GHR: variants seen among roughly 807,000 people sequenced by gnomAD.
GHR encodes the protein GH receptor.
GHR carries 35 observed loss-of-function variants against 67.1 expected under a neutral mutation model. The observed-to-expected ratio is 0.52, with a 90% CI of 0.40 to 0.69. The LOEUF (loss-of-function observed/expected upper bound fraction) is 0.69. GHR is among the 30% of genes least tolerant of loss of function. The probability of loss-of-function intolerance (pLI) is 0.00; values close to 1 mark genes in which losing one functional copy is unlikely to be tolerated. For synonymous variants in GHR, 272 were observed against 269.1 expected (o/e 1.01, Z -0.10); for missense variants, 792 against 764.6 (o/e 1.04, Z -0.42).
chr5:42,546,193 T>C (rs1748724493), intron 1 of GHR, among the ~76,000 whole-genome samples: 2 of 152,200 alleles, frequency 1.3e-5, no homozygotes, highest in Admixed American at 1.3e-4. Flanking sequence ...ACTCTTTCGA[T>C]TGAGCCTGAA....
intron 3 of GHR, among the ~76,000 whole-genome samples, chr5:42,636,589 C>A (rs1175847278): frequency 1.3e-5 from 2 of 152,164 alleles, no homozygotes; most frequent in African/African-American, 2.4e-5. Flanking sequence ...AGTCTCTCAC[C>A]AGGAAAGGAT....
chr5:42,473,289 G>A (rs949962517), intron 1 of GHR, among the ~76,000 whole-genome samples: 4 of 152,064 alleles, frequency 2.6e-5, no homozygotes, highest in Admixed American at 6.5e-5. Context: ...GGAGTGCAAC[G>A]GCGCGATCTC....
At chr5:42,594,530 G>A (rs1751962291) in intron 2 of GHR, among the ~76,000 whole-genome samples, 2 of 152,100 alleles carry the variant, frequency 1.3e-5, no homozygotes, top group Admixed American at 1.3e-4. Flanking sequence ...GTCATTATTA[G>A]TGCTATGTTT....
chr5:42,467,083 A>G (rs1744764189), intron 1 of GHR: 4 of 1,585,222 alleles, frequency 2.5e-6, no homozygotes, highest in Non-Finnish European at 3.5e-6. Context: ...TCTCTGATGA[A>G]TAAGTAGGTA....
At chr5:42,549,428 T>C (rs1447500391) in intron 1 of GHR, 1 of 152,260 alleles carries the variant, frequency 6.6e-6, no homozygotes, top group Non-Finnish European at 1.5e-5. Flanking sequence ...CACTGATTCC[T>C]TATAGTGCTG....
chr5:42,607,815 G>T (rs1219391884), intron 2 of GHR, among the ~76,000 whole-genome samples: 1 of 152,172 alleles, frequency 6.6e-6, no homozygotes, highest in East Asian at 1.9e-4. Context: ...GCAGAAGTTT[G>T]ATGTTGGTTA....
intron 1 of GHR, among the ~76,000 whole-genome samples, chr5:42,466,303 A>G (rs1421038231): frequency 6.6e-6 from 1 of 152,206 alleles, no homozygotes; most frequent in Non-Finnish European, 1.5e-5. Context: ...GACAGTAAGG[A>G]AAAAGGCCAT....
chr5:42,714,618 C>T (rs1758633580), intron 8 of GHR, among the ~76,000 whole-genome samples: 1 of 152,116 alleles, frequency 6.6e-6, no homozygotes, highest in African/African-American at 2.4e-5. Context: ...GCTTCATGTC[C>T]AATTTTATAA....
chr5:42,685,051 G>A lies in GHR; in HGVS notation c.137-3839G>A, dbSNP rs35536377. ...GGTGGTTTGCTGCACCCACCAACCC[G>A]TCATCTATATTAGGTATTTCTCCTA... On this transcript the variant is annotated intron_variant, in intron 3 of 9. Transcript: ENST00000230882. Among the ~76,000 whole-genome samples, 388 of 152,058 alleles carry A rather than the reference G, an allele frequency of 2.6e-3. 3 individuals carry two copies. Among genetic ancestry groups the A allele is most frequent in the African/African-American group, 8.6e-3 (356 of 41,482 alleles).
intron 6 of GHR, among the ~76,000 whole-genome samples, chr5:42,705,481 CCATA>C (rs1490993271): frequency 6.6e-6 from 1 of 151,938 alleles, no homozygotes; most frequent in East Asian, 1.9e-4. Context: ...CAGGGGTTTA[CCATA>C]CAGATTATTT....
At chr5:42,598,147 G>A in intron 2 of GHR, among the ~76,000 whole-genome samples, 1 of 152,118 alleles carries the variant, frequency 6.6e-6, no homozygotes, top group East Asian at 1.9e-4. Context: ...AGGAAGCAAG[G>A]TAGACAAAGT....
chr5:42,661,613 A>G (rs1469453000), intron 3 of GHR, among the ~76,000 whole-genome samples: 1 of 152,234 alleles, frequency 6.6e-6, no homozygotes, highest in Non-Finnish European at 1.5e-5. Context: ...AGCACTAAAC[A>G]TGGAAAGGAA....
At chr5:42,592,335 G>A (rs1320725325) in intron 2 of GHR, among the ~76,000 whole-genome samples, 2 of 152,134 alleles carry the variant, frequency 1.3e-5, no homozygotes, top group East Asian at 1.9e-4. Context: ...TGCCATGGGA[G>A]TTTGGGGCAT....
chr5:42,635,154 G>A (rs537330248), intron 3 of GHR, among the ~76,000 whole-genome samples: 152 of 152,204 alleles, frequency 1.0e-3, no homozygotes, highest in African/African-American at 3.4e-3. Context: ...ATAGATTCTT[G>A]CAATCCCTTT....
chr5:42,538,767 T>C (rs544106323), intron 1 of GHR, among the ~76,000 whole-genome samples: 2 of 152,326 alleles, frequency 1.3e-5, no homozygotes, highest in Admixed American at 1.3e-4. Flanking sequence ...CCCTCAAATA[T>C]GTTTTCCCAA....
intron 1 of GHR, among the ~76,000 whole-genome samples, chr5:42,464,926 C>A (rs1023900482): frequency 6.6e-6 from 1 of 152,026 alleles, no homozygotes; most frequent in African/African-American, 2.4e-5. Flanking sequence ...TTAAATGGTG[C>A]ACTGGAATAT....
At chr5:42,660,660 A>G (rs1431232716) in intron 3 of GHR, among the ~76,000 whole-genome samples, 3 of 152,218 alleles carry the variant, frequency 2.0e-5, no homozygotes, top group Non-Finnish European at 4.4e-5. Context: ...AAAGATGGGG[A>G]AAAAACAGAG....
At chr5:42,694,254 A>G (rs1310756587) in intron 4 of GHR, among the ~76,000 whole-genome samples, 1 of 152,160 alleles carries the variant, frequency 6.6e-6, no homozygotes, top group East Asian at 1.9e-4. Flanking sequence ...TTAGACATCT[A>G]TGAATCCCAT....
rs149840503 is a variant in GHR at position 42,524,956 on chromosome 5, G to A, written c.-11-40908G>A. Reference sequence around the variant, plus strand: ...TCCGCCTAGATTTCGGAAGATGTACGGAAATGCCTGGATGCCCAGGCAAAA... The same window carrying A: ...TCCGCCTAGATTTCGGAAGATGTACAGAAATGCCTGGATGCCCAGGCAAAA... On this transcript the variant is annotated intron_variant, in intron 1 of 9. Transcript: ENST00000230882. Among the ~76,000 whole-genome samples, 972 of 152,360 alleles carry A rather than the reference G, an allele frequency of 6.4e-3. 8 individuals are homozygous for A. The highest frequency in any genetic ancestry group is 0.027 in the Middle Eastern group (8 of 294).
Sources: gnomAD v4.1 joint callset for allele counts (sites outside exome capture counted in the v4.1 genomes callset) on GRCh38, gnomAD v4.1.1 for gene constraint, MANE v1.5 for transcripts, NCBI Gene and HGNC (gene_info 2026-07-23, HGNC 2026-07-21) for gene names.